Variants in DMD observed in about 807,000 individuals in gnomAD.
The protein encoded by DMD is dystrophin, also known as mutant dystrophin.
In DMD, 63 loss-of-function variants were observed where a neutral mutation model predicts 330.1. That is an observed-to-expected ratio of 0.19 (90% CI 0.16 to 0.24). The LOEUF is 0.24. DMD is among the 10% of genes least tolerant of loss of function. The pLI, the probability that DMD is intolerant of heterozygous loss-of-function variation, is 1.00. For synonymous variants in DMD, 1,223 were observed against 959.8 expected (o/e 1.27, Z -5.07); for missense variants, 3,344 against 2,684.1 (o/e 1.25, Z -5.43).
chrX:32,897,198 G>A (rs1444481912), intron 2 of DMD, among the ~76,000 whole-genome samples: 2 of 111,403 alleles, frequency 1.8e-5, no homozygotes, highest in Non-Finnish European at 3.8e-5. Flanking sequence ...TCCAGTTTCT[G>A]AGATAAATTT....
chrX:31,350,632 T>TGTGTGAGAGA (rs1156358927), intron 60 of DMD, among the ~76,000 whole-genome samples: 7 of 66,697 alleles, frequency 1.0e-4, no homozygotes, highest in African/African-American at 4.3e-4. Context: ...TGTGTGTGTG[T>TGTGTGAGAGA]GAGAGAGAGA....
chrX:32,688,999 T>A, intron 9 of DMD, among the ~76,000 whole-genome samples: 1 of 110,877 alleles, frequency 9.0e-6, no homozygotes, highest in Admixed American at 9.6e-5. Flanking sequence ...GGTAACTCCA[T>A]TTGTGGAGTT....
chrX:32,844,788 T>C lies in DMD; in HGVS notation c.259A>G (p.Asn87Asp). The change falls in exon 4 of 79, where the codon AAT becomes GAT. Residue 87 changes from asparagine (N) to aspartate (D), a missense_variant. By Grantham distance (23) the Asn-to-Asp change is conservative. Transcript: ENST00000357033. Reference protein sequence around the residue: ...VNKALRVLQNNNVDLVNIGST... With the variant: ...VNKALRVLQNDNVDLVNIGST... ...TTGTCCAGGGTACTACTTACATTAT[T>C]GTTCTGCAAAACCCGCAGTGCCTTG... 8.3e-7 allele frequency: 1 copy of C among 1,209,237 alleles called. No individual in the cohort carries two copies. The highest frequency in any genetic ancestry group is 2.3e-4 in the Middle Eastern group (1 of 4,341).
At chrX:31,893,714 G>T (rs1281474585) in intron 47 of DMD, among the ~76,000 whole-genome samples, 2 of 110,371 alleles carry the variant, frequency 1.8e-5, no homozygotes, top group Admixed American at 1.9e-4. Flanking sequence ...GGCGAAAAAG[G>T]GAAGTGAGAG....
intron 48 of DMD, 27 bp from the exon 49 acceptor site, chrX:31,836,846 G>T: frequency 8.9e-7 from 1 of 1,123,531 alleles, no homozygotes; most frequent in South Asian, 1.8e-5. Flanking sequence ...ATATAGTGCA[G>T]ATTAACTTCA....
chrX:31,462,481 A>G (rs1235133075), intron 59 of DMD, among the ~76,000 whole-genome samples: 1 of 111,523 alleles, frequency 9.0e-6, no homozygotes, highest in South Asian at 3.8e-4. Flanking sequence ...TCAAAAAAAT[A>G]AAATAAAATA....
intron 44 of DMD, among the ~76,000 whole-genome samples, chrX:32,100,288 T>C (rs1332575131): frequency 9.1e-6 from 1 of 109,465 alleles, no homozygotes; most frequent in African/African-American, 3.3e-5. Flanking sequence ...CTTCCTCATT[T>C]AACTGAAAAG....
intron 61 of DMD, among the ~76,000 whole-genome samples, chrX:31,331,247 G>T (rs1281721089): frequency 1.8e-5 from 2 of 111,630 alleles, no homozygotes; most frequent in African/African-American, 6.5e-5. Context: ...CACACCATGG[G>T]ATTTGTCAGT....
intron 1 of DMD, among the ~76,000 whole-genome samples, chrX:33,151,218 T>C (rs1235876528): frequency 3.6e-5 from 4 of 112,402 alleles, no homozygotes; most frequent in Admixed American, 1.9e-4. Flanking sequence ...GCTTTTCTTG[T>C]CTGAAACATA....
chrX:31,735,105 T>G (rs755795132), intron 51 of DMD, among the ~76,000 whole-genome samples: 1 of 111,034 alleles, frequency 9.0e-6, no homozygotes, highest in Admixed American at 9.6e-5. Context: ...GAGCCTTCCT[T>G]GGGAGACATG....
intron 29 of DMD, among the ~76,000 whole-genome samples, chrX:32,413,869 T>C (rs754994030): frequency 2.5e-4 from 27 of 109,685 alleles, no homozygotes; most frequent in Admixed American, 2.3e-3. Flanking sequence ...TACAGGTACC[T>C]GCCACCATGC....
intron 55 of DMD, among the ~76,000 whole-genome samples, chrX:31,578,689 C>T (rs1243311055): frequency 1.8e-5 from 2 of 111,911 alleles, no homozygotes; most frequent in Admixed American, 9.5e-5. Context: ...AATTCAGAAA[C>T]TAAGATGAGG....
chrX:32,096,143 C>T (rs1040277404), intron 44 of DMD, among the ~76,000 whole-genome samples: 2 of 111,190 alleles, frequency 1.8e-5, no homozygotes, highest in African/African-American at 6.6e-5. Flanking sequence ...AATCCCCTAC[C>T]AAATACATTT....
intron 55 of DMD, among the ~76,000 whole-genome samples, chrX:31,623,461 C>T (rs1173155886): frequency 9.0e-6 from 1 of 110,671 alleles, no homozygotes; most frequent in African/African-American, 3.3e-5. Flanking sequence ...ACGGGGGTTT[C>T]ACCTTGTGGC....
chrX:31,483,195 C>T lies in DMD; in HGVS notation c.8548-4092G>A, dbSNP rs780405275. Among the ~76,000 whole-genome samples the T allele has an allele frequency of 5.0e-3, 536 of 108,162 alleles. 2 individuals carry two copies. Among genetic ancestry groups the T allele is most frequent in the Non-Finnish European group, 8.3e-3 (434 of 52,259 alleles). The allele number at this position is 108,162 out of a possible 115,157, so 93.9% of individuals were successfully genotyped here. On this transcript the variant is annotated intron_variant, in intron 57 of 78. Coordinates refer to ENST00000357033, the MANE Select transcript of DMD (RefSeq NM_004006.3). The stretch of plus-strand genomic sequence containing the variant: ...CCGAGTAGCTGGGACTACAGGCGCC[C>T]GCCACCACGCCCAGCTAATTTTTTG...
At chrX:33,162,645 CG>C (rs747566097) in intron 1 of DMD, among the ~76,000 whole-genome samples, 83 of 111,317 alleles carry the variant, frequency 7.5e-4, no homozygotes, top group Middle Eastern at 4.7e-3. Context: ...AGAAAACACA[CG>C]CACACACCAA....
rs1054119023 is a variant in DMD, at chrX:31,240,202, GA to G, written c.9287-17082del. On this transcript the variant is annotated intron_variant, in intron 63 of 78. Transcript: ENST00000357033. ...CATCTGTCAGTCTATTGCGCTACAG[GA>G]AAAAAAAAACTCCAGGTTAATTATG... Among the ~76,000 whole-genome samples the G allele has an allele frequency of 7.8e-4, 82 of 105,216 alleles. No homozygotes were observed. Among genetic ancestry groups the G allele is most frequent in the Non-Finnish European group, 1.3e-3 (67 of 50,943 alleles). 91.4% of individuals were successfully genotyped at this position (105,216 alleles called of 115,157 possible).
chrX:32,349,758 C>T lies in DMD; in HGVS notation c.5326-1230G>A, dbSNP rs373259845. Among the ~76,000 whole-genome samples, 55 of 111,502 alleles carry T rather than the reference C, an allele frequency of 4.9e-4. No homozygotes were observed. In the East Asian group the frequency reaches 5.3e-3, roughly 11 times the overall value. On this transcript the variant is annotated intron_variant, in intron 37 of 78. Coordinates refer to ENST00000357033, the MANE Select transcript of DMD (RefSeq NM_004006.3). ...ATATCTTCTAGGTACTTCTACACAC[C>T]CCTGAAAGATTTATGAGATAATTTT... is the stretch of plus-strand genomic sequence containing the variant.
At chrX:32,600,933 A>G (rs765466306) in intron 12 of DMD, among the ~76,000 whole-genome samples, 34 of 110,927 alleles carry the variant, frequency 3.1e-4, no homozygotes, top group Non-Finnish European at 6.4e-4. Context: ...GATACTAATG[A>G]TCATGTTAAT....
Sources: allele counts gnomAD v4.1 joint callset (sites outside exome capture counted in the v4.1 genomes callset), GRCh38; gene constraint gnomAD v4.1.1; transcripts MANE v1.5; gene names NCBI Gene and HGNC (gene_info 2026-07-23, HGNC 2026-07-21).